The following MXI1 variants were observed in gnomAD, a reference collection of about 807,000 sequenced individuals.
MXI1 encodes the protein max-interacting protein 1.
A neutral mutation model predicts 36.9 loss-of-function variants in MXI1; 18 were observed. The observed-to-expected ratio is 0.49, with a 90% confidence interval of 0.34 to 0.72. The LOEUF is 0.72. Among genes scored for constraint, MXI1 ranks in the 30% least tolerant of loss-of-function variants. The probability of loss-of-function intolerance (pLI) is 0.01; values close to 1 mark genes in which losing one functional copy is unlikely to be tolerated. For missense variants in MXI1, 304 were observed against 379.1 expected, an observed-to-expected ratio of 0.80 and a Z score of 1.64; for synonymous variants, 160 against 146.7, an observed-to-expected ratio of 1.09 and a Z score of -0.65.
At chr10:110,284,289 A>G (rs1262119713) in intron 5 of MXI1, among the ~76,000 whole-genome samples, 1 of 152,198 alleles carries the variant, frequency 6.6e-6, no homozygotes, top group Non-Finnish European at 1.5e-5. Context: ...ACTCTACTTT[A>G]TAATGACTTG....
chr10:110,248,817 C>G (rs978653477), intron 3 of MXI1, among the ~76,000 whole-genome samples: 2 of 152,034 alleles, frequency 1.3e-5, no homozygotes, highest in East Asian at 3.8e-4. Context: ...ATAGAATTAA[C>G]TTTTCCAAGA....
chr10:110,252,690 C>T (rs780644433), intron 3 of MXI1, among the ~76,000 whole-genome samples: 2 of 152,018 alleles, frequency 1.3e-5, no homozygotes, highest in Non-Finnish European at 2.9e-5. Flanking sequence ...GTCTTATTTA[C>T]CCTAGCACAT....
intron 2 of MXI1, among the ~76,000 whole-genome samples, chr10:110,242,538 T>C (rs776873414): frequency 3.9e-5 from 6 of 152,048 alleles, no homozygotes; most frequent in Non-Finnish European, 8.8e-5. Context: ...TTGCTAAATT[T>C]TGCTGGTGGT....
chr10:110,208,261 T>C lies in MXI1; in HGVS notation c.274+179T>C, dbSNP rs371312398. On this transcript the variant is annotated intron_variant, in intron 1 of 5. Transcript: ENST00000332674. ...CGCACGCACAAAGCTGCTAAAGATG[T>C]AACAAAGACGGGCGAGGGGGAGAGG... is the stretch of plus-strand genomic sequence containing the variant. 7 of 588,180 alleles carry C rather than the reference T, an allele frequency of 1.2e-5. No individual in the cohort carries two copies. The African/African-American group carries it at 1.2e-4, about 10-fold the overall frequency. The allele number at this position is 588,180 out of a possible 1,614,324, so 36.4% of individuals were successfully genotyped here.
intron 2 of MXI1, among the ~76,000 whole-genome samples, chr10:110,231,626 T>C (rs1445227271): frequency 6.6e-6 from 1 of 152,136 alleles, no homozygotes; most frequent in East Asian, 1.9e-4. Flanking sequence ...TTTACTGTGG[T>C]CTTGGTCACA....
chr10:110,219,784 C>T lies in MXI1; in HGVS notation c.275-8405C>T, dbSNP rs1854750243. Among the ~76,000 whole-genome samples the T allele has an allele frequency of 2.0e-5, 3 of 152,352 alleles. No homozygotes were observed. The South Asian group carries it at 6.2e-4, about 32-fold the overall frequency. Reference sequence around the variant, plus strand: ...TTGTTCATTATTTTATCTTTGGCATCTAGCTTAGTGCCTGGCACATAACAG... The same window carrying T: ...TTGTTCATTATTTTATCTTTGGCATTTAGCTTAGTGCCTGGCACATAACAG... On this transcript the variant is annotated intron_variant, in intron 1 of 5. Transcript: ENST00000332674.
At chr10:110,209,617 G>A (rs1405016317) in intron 1 of MXI1, among the ~76,000 whole-genome samples, 2 of 152,244 alleles carry the variant, frequency 1.3e-5, no homozygotes. Context: ...GCGCATCGCA[G>A]GCTGTGCAGC....
At chr10:110,249,707 A>G (rs1460173431) in intron 3 of MXI1, among the ~76,000 whole-genome samples, 1 of 152,178 alleles carries the variant, frequency 6.6e-6, no homozygotes, top group East Asian at 1.9e-4. Flanking sequence ...AGTACACTGC[A>G]TGAAGTAAAG....
chr10:110,284,732 T>C, intron 5 of MXI1, 92 bp from the exon 6 acceptor site: 1 of 1,162,598 alleles, frequency 8.6e-7, no homozygotes. Context: ...TTGTGTAACA[T>C]TTCTTATACC....
chr10:110,211,917 C>T (rs1034680770), intron 1 of MXI1, among the ~76,000 whole-genome samples: 12 of 152,214 alleles, frequency 7.9e-5, no homozygotes, highest in African/African-American at 2.9e-4. Context: ...CTGACATCAT[C>T]ACCTATATGC....
At chr10:110,270,767 G>A (rs981892706) in intron 3 of MXI1, among the ~76,000 whole-genome samples, 5 of 152,016 alleles carry the variant, frequency 3.3e-5, no homozygotes, top group African/African-American at 4.8e-5. Context: ...TGTAAAAGCT[G>A]CAGTTCTTAA....
chr10:110,228,136 G>A, intron 1 of MXI1, 53 bp from the exon 2 acceptor site: 1 of 1,591,770 alleles, frequency 6.3e-7, no homozygotes, highest in South Asian at 1.1e-5. Flanking sequence ...GTGGGTCAAT[G>A]GATTTGGGTA....
chr10:110,266,120 T>C (rs1431765103), intron 3 of MXI1, among the ~76,000 whole-genome samples: 2 of 151,892 alleles, frequency 1.3e-5, no homozygotes, highest in African/African-American at 4.8e-5. Context: ...CTTTCTTTTT[T>C]TTTTTGAGAC....
intron 3 of MXI1, among the ~76,000 whole-genome samples, chr10:110,261,861 A>C (rs1164527848): frequency 1.3e-5 from 2 of 152,250 alleles, no homozygotes; most frequent in Admixed American, 6.5e-5. Context: ...CATGAACAAG[A>C]ATAACAAAAG....
chr10:110,232,615 C>T (rs1855315770), intron 2 of MXI1, among the ~76,000 whole-genome samples: 1 of 152,196 alleles, frequency 6.6e-6, no homozygotes, highest in African/African-American at 2.4e-5. Context: ...TCTGCTTAAA[C>T]ATTTATCCCT....
chr10:110,274,922 TG>T (rs1856977431), intron 3 of MXI1, among the ~76,000 whole-genome samples: 1 of 142,474 alleles, frequency 7.0e-6, no homozygotes, highest in Non-Finnish European at 1.5e-5. Flanking sequence ...TCACCCAGGC[TG>T]GAGTGCACTG....
At chr10:110,273,047 T>TC (rs1856906634) in intron 3 of MXI1, among the ~76,000 whole-genome samples, 1 of 146,336 alleles carries the variant, frequency 6.8e-6, no homozygotes, top group African/African-American at 2.5e-5. Flanking sequence ...TTAGCTTTTT[T>TC]TTTTTTTTTT....
At chr10:110,266,653 A>G (rs935994735) in intron 3 of MXI1, among the ~76,000 whole-genome samples, 1 of 152,166 alleles carries the variant, frequency 6.6e-6, no homozygotes, top group African/African-American at 2.4e-5. Context: ...GAAGATGTCA[A>G]CTTTATTCTA....
Position 110,287,192 on chromosome 10 carries a change from T to C in MXI1, c.*2205T>C, listed in dbSNP as rs1010440335. ...TACAGGATTATGGGCTGGAAAGCAT[T>C]TGTTATAAACCTATAGTGCACATTT... On this transcript the variant is annotated 3_prime_UTR_variant, in exon 6 of 6. Coordinates refer to ENST00000332674, the MANE Select transcript of MXI1 (RefSeq NM_130439.3). 2 of 152,244 alleles carry C rather than the reference T, an allele frequency of 1.3e-5. No individual in the cohort carries two copies. 9.4% of individuals were successfully genotyped at this position (152,244 alleles called of 1,614,324 possible).
Sources: allele counts gnomAD v4.1 joint callset (sites outside exome capture counted in the v4.1 genomes callset), GRCh38; gene constraint gnomAD v4.1.1; transcripts MANE v1.5; gene names NCBI Gene and HGNC (gene_info 2026-07-23, HGNC 2026-07-21).